Variants in CNGB3 observed in about 807,000 individuals in gnomAD.
The protein encoded by CNGB3 is cyclic nucleotide gated channel subunit beta 3.
In CNGB3, 86 loss-of-function variants were observed where a neutral mutation model predicts 92.8. The ratio of observed to expected loss-of-function variants is 0.93; its 90% CI spans 0.78 to 1.11. The LOEUF (loss-of-function observed/expected upper bound fraction) is 1.11, where lower values mean the gene tolerates loss of function less well. CNGB3 is among the 50% of genes least tolerant of loss of function. The pLI is 0.00. For synonymous variants in CNGB3, 333 were observed against 332.7 expected, an observed-to-expected ratio of 1.00 and a Z score of -0.01; for missense variants, 1,026 against 956.8, an observed-to-expected ratio of 1.07 and a Z score of -0.95.
At chr8:86,670,616 G>A (rs1371178498) in intron 4 of CNGB3, among the ~76,000 whole-genome samples, 5 of 151,754 alleles carry the variant, frequency 3.3e-5, no homozygotes, top group African/African-American at 9.7e-5. Context: ...GCCTCACTAT[G>A]CTGCCCAGGC....
At chr8:86,656,352 G>A (rs1156607990) in intron 6 of CNGB3, among the ~76,000 whole-genome samples, 1 of 152,132 alleles carries the variant, frequency 6.6e-6, no homozygotes, top group East Asian at 1.9e-4. Flanking sequence ...TTACTTTCAA[G>A]GTTGTCTATG....
chr8:86,652,296 A>G (rs908892446), intron 7 of CNGB3, among the ~76,000 whole-genome samples: 2 of 152,006 alleles, frequency 1.3e-5, no homozygotes, highest in Admixed American at 1.3e-4. Context: ...GGGTGAGTCA[A>G]TGAGCGAGTA....
At chr8:86,625,677 G>C (rs182871634) in intron 13 of CNGB3, among the ~76,000 whole-genome samples, 2 of 152,012 alleles carry the variant, frequency 1.3e-5, no homozygotes, top group South Asian at 2.1e-4. Context: ...TAGATGGGAG[G>C]TGATACATGT....
At chr8:86,585,497 G>C (rs945075327) in intron 15 of CNGB3, among the ~76,000 whole-genome samples, 1 of 152,042 alleles carries the variant, frequency 6.6e-6, no homozygotes, top group African/African-American at 2.4e-5. Flanking sequence ...GCTCTTTTTA[G>C]TAGAGCTACT....
intron 3 of CNGB3, among the ~76,000 whole-genome samples, chr8:86,712,968 GAAAA>G (rs1195562061): frequency 6.6e-6 from 1 of 151,150 alleles, no homozygotes; most frequent in Non-Finnish European, 1.5e-5. Context: ...AAAGAAAAAA[GAAAA>G]GAAAAAAAGG....
At chr8:86,647,676 A>T (rs1167023280) in intron 8 of CNGB3, 125 bp downstream of exon 8, 2 of 644,448 alleles carry the variant, frequency 3.1e-6, no homozygotes, top group Non-Finnish European at 5.6e-6. Flanking sequence ...GATGGAGAAG[A>T]GTTTGGGAAA....
At chr8:86,614,098 AAT>A (rs1250639764) in intron 13 of CNGB3, among the ~76,000 whole-genome samples, 2 of 151,832 alleles carry the variant, frequency 1.3e-5, no homozygotes, top group African/African-American at 4.8e-5. Flanking sequence ...ACCAATTTTG[AAT>A]ATAAGTTTAA....
At chr8:86,589,591 T>C (rs1319105477) in intron 15 of CNGB3, among the ~76,000 whole-genome samples, 1 of 152,192 alleles carries the variant, frequency 6.6e-6, no homozygotes, top group Non-Finnish European at 1.5e-5. Context: ...TTCATTTCGT[T>C]ATGTACCCAG....
At chr8:86,712,036 C>T (rs763559290) in intron 3 of CNGB3, among the ~76,000 whole-genome samples, 1 of 151,912 alleles carries the variant, frequency 6.6e-6, no homozygotes, top group Non-Finnish European at 1.5e-5. Flanking sequence ...TTAAAGTACA[C>T]TGTGCTTCTG....
At chr8:86,609,243 T>TTAGAA (rs1822473182) in intron 14 of CNGB3, among the ~76,000 whole-genome samples, 1 of 152,230 alleles carries the variant, frequency 6.6e-6, no homozygotes, top group Non-Finnish European at 1.5e-5. Context: ...TCAATCTCTG[T>TTAGAA]TGCTACTGGC....
chr8:86,711,261 T>C (rs1336706823), intron 3 of CNGB3, among the ~76,000 whole-genome samples: 1 of 152,160 alleles, frequency 6.6e-6, no homozygotes, highest in Admixed American at 6.6e-5. Context: ...GTTGTTTTAA[T>C]ATCCCCAATG....
chr8:86,657,417 C>T, intron 6 of CNGB3: 1 of 496,184 alleles, frequency 2.0e-6, no homozygotes, highest in Non-Finnish European at 4.1e-6. Context: ...TTCTTGTCAG[C>T]ATGATAGAAA....
At position 86,707,092 on chromosome 8, in the gene CNGB3, T is replaced by C. The variant is rs368210821; in HGVS notation, c.338+19439A>G. On this transcript the variant is annotated intron_variant, in intron 3 of 17. Coordinates refer to ENST00000320005, the MANE Select transcript of CNGB3 (RefSeq NM_019098.5). ...ATTTAAGAATAAAATCACACATTTATGGGAAGAAACATTATCTTCCTTCCA... is the reference window on the plus strand; with the variant it reads ...ATTTAAGAATAAAATCACACATTTACGGGAAGAAACATTATCTTCCTTCCA... Among the ~76,000 whole-genome samples, 14 of 152,314 alleles carry C rather than the reference T, an allele frequency of 9.2e-5. No individual in the cohort carries two copies. The East Asian group carries it at 1.9e-3, about 21-fold the overall frequency.
At chr8:86,667,961 C>G (rs1823776196) in intron 5 of CNGB3, 58 bp downstream of exon 5, 1 of 1,585,422 alleles carries the variant, frequency 6.3e-7, no homozygotes, top group African/African-American at 1.3e-5. Flanking sequence ...CTTTGAGTCA[C>G]AGGGTTTCTT....
intron 13 of CNGB3, among the ~76,000 whole-genome samples, chr8:86,612,126 T>C (rs886621869): frequency 6.6e-6 from 1 of 152,174 alleles, no homozygotes; most frequent in Admixed American, 6.5e-5. Flanking sequence ...TAGATATTAT[T>C]ATTTAACCTT....
At chr8:86,659,317 G>T in intron 6 of CNGB3, 2 of 1,147,086 alleles carry the variant, frequency 1.7e-6, no homozygotes, top group Non-Finnish European at 1.3e-6. Flanking sequence ...AGCTGTGCCT[G>T]CTCCTCCATG....
At chr8:86,599,705 G>T (rs1428258724) in intron 15 of CNGB3, among the ~76,000 whole-genome samples, 1 of 152,166 alleles carries the variant, frequency 6.6e-6, no homozygotes, top group Non-Finnish European at 1.5e-5. Context: ...ATTAGGACGA[G>T]AAAATTCCCA....
chr8:86,726,585 G>T lies in CNGB3; in HGVS notation c.284C>A (p.Thr95Asn). The change falls in exon 3 of 18, where the codon ACT (threonine) becomes AAT (asparagine). Residue 95 changes from threonine (T) to asparagine (N), a missense_variant. Transcript: ENST00000320005. ...NPDPQNAAEP[T>N]GTVPEQKEMD... ...TTCCTTCTGCTCTGGCACTGTTCCA[G>T]TTGGTTCTGCTGCATTTTGAGGGTC... is the stretch of plus-strand genomic sequence containing the variant. 3.1e-6 allele frequency: 5 copies of T among 1,613,864 alleles called. No homozygotes were observed. The highest frequency in any genetic ancestry group is 4.2e-6 in the Non-Finnish European group (5 of 1,179,820).
rs1258580907 is a variant in CNGB3 at position 86,694,068 on chromosome 8, GC to G, written c.339-22971del. 4.2e-3 allele frequency among the ~76,000 whole-genome samples: 79 copies of G among 18,844 alleles called. 2 individuals carry two copies. Among genetic ancestry groups the G allele is most frequent in the African/African-American group, 0.014 (61 of 4,274 alleles). The allele number at this position is 18,844 out of a possible 152,430, so 12.4% of individuals were successfully genotyped here. ...CCTCCCGGACGGGGCGGCTGGCCGGGCGGGGGGGCTGACCCCCCCACCTCCC... is the reference window on the plus strand; with the variant it reads ...CCTCCCGGACGGGGCGGCTGGCCGGGGGGGGGGCTGACCCCCCCACCTCCC... On this transcript the variant is annotated intron_variant, in intron 3 of 17. Coordinates refer to ENST00000320005, the MANE Select transcript of CNGB3 (RefSeq NM_019098.5).
Sources: gnomAD v4.1 joint callset for allele counts (sites outside exome capture counted in the v4.1 genomes callset) on GRCh38, gnomAD v4.1.1 for gene constraint, MANE v1.5 for transcripts, NCBI Gene and HGNC (gene_info 2026-07-23, HGNC 2026-07-21) for gene names.